The following RAP1B variants were observed in gnomAD, a reference collection of about 807,000 sequenced individuals.
RAP1B encodes the protein RAP1B, member of RAS oncogene family, also known as ras-related protein Rap-1b.
Under a neutral mutation model 27.5 loss-of-function variants are expected in RAP1B, and 1 was observed. The ratio of observed to expected loss-of-function variants is 0.04; its 90% CI spans 0.01 to 0.17. The LOEUF (loss-of-function observed/expected upper bound fraction) is 0.17. RAP1B is among the 10% of genes least tolerant of loss of function. The pLI is 1.00. For synonymous variants in RAP1B, 75 were observed against 73.1 expected (o/e 1.03, Z -0.13); for missense variants, 84 against 214.8 (o/e 0.39, Z 3.81).
intron 7 of RAP1B, 61 bp downstream of exon 7, chr12:68,657,278 C>A: frequency 9.4e-7 from 1 of 1,064,060 alleles, no homozygotes; most frequent in Non-Finnish European, 1.4e-6. Flanking sequence ...GGCACTCTGT[C>A]ATGAAAGCAA....
chr12:68,636,141 TC>T, intron 1 of RAP1B, among the ~76,000 whole-genome samples: 1 of 152,130 alleles, frequency 6.6e-6, no homozygotes, highest in Non-Finnish European at 1.5e-5. Flanking sequence ...CGCCTTGGCC[TC>T]CCAAAGTCCT....
intron 3 of RAP1B, 77 bp from the exon 4 acceptor site, chr12:68,651,918 C>T (rs1320650371): frequency 7.3e-6 from 8 of 1,089,440 alleles, no homozygotes; most frequent in Non-Finnish European, 1.1e-5. Flanking sequence ...ATTTTTGATA[C>T]ATTAGCTTTT....
chr12:68,625,306 G>T (rs2135925028), intron 1 of RAP1B, among the ~76,000 whole-genome samples: 1 of 152,292 alleles, frequency 6.6e-6, no homozygotes, highest in South Asian at 2.1e-4. Flanking sequence ...ACTCAAGAGG[G>T]TAGATTATAA....
rs951722171 is a variant in RAP1B at position 68,670,528 on chromosome 12, T to G, written c.*11279T>G. ...GTGTGTGTGTGTACACACAGATGCT[T>G]CTCAGCTTACAATGGGGTTATGTCC... is the stretch of plus-strand genomic sequence containing the variant. On this transcript the variant is annotated 3_prime_UTR_variant, in exon 8 of 8. Transcript: ENST00000250559. 3.3e-5 allele frequency: 5 copies of G among 152,142 alleles called. No individual in the cohort carries two copies. Among genetic ancestry groups the G allele is most frequent in the Non-Finnish European group, 7.4e-5 (5 of 68,018 alleles). The allele number at this position is 152,142 out of a possible 1,614,324, so 9.4% of individuals were successfully genotyped here. A position where few individuals can be genotyped will look rare whatever the true frequency, so the allele number is the denominator to read the frequency against.
At chr12:68,656,962 A>AT in intron 6 of RAP1B, 139 bp from the exon 7 acceptor site, 1 of 754,390 alleles carries the variant, frequency 1.3e-6, no homozygotes, top group Non-Finnish European at 2.2e-6. Flanking sequence ...ATAACACCTG[A>AT]TTTTATTCTC....
At chr12:68,644,738 G>A (rs1873275345) in intron 1 of RAP1B, among the ~76,000 whole-genome samples, 1 of 143,004 alleles carries the variant, frequency 7.0e-6, no homozygotes, top group South Asian at 2.3e-4. Flanking sequence ...GCCCAGGCTG[G>A]AGTGCAGTGG....
At chr12:68,618,028 G>C (rs562005434) in intron 1 of RAP1B, among the ~76,000 whole-genome samples, 6 of 147,728 alleles carry the variant, frequency 4.1e-5, no homozygotes, top group African/African-American at 1.5e-4. Context: ...CTCCCAAACT[G>C]CTAGGATTAC....
chr12:68,659,121 G>C (rs919423742), intron 7 of RAP1B, among the ~76,000 whole-genome samples, 159 bp from the exon 8 acceptor site: 1 of 152,192 alleles, frequency 6.6e-6, no homozygotes, highest in Non-Finnish European at 1.5e-5. Flanking sequence ...GAAAAGGTCT[G>C]CCGTGAATTG....
chr12:68,634,413 G>T (rs1193228331), intron 1 of RAP1B, among the ~76,000 whole-genome samples: 2 of 152,104 alleles, frequency 1.3e-5, no homozygotes, highest in Non-Finnish European at 2.9e-5. Context: ...AGCCTATACT[G>T]AGTCAGTATG....
At position 68,662,414 on chromosome 12, in the gene RAP1B, G is replaced by A. The variant is rs1233055031; in HGVS notation, c.*3165G>A. 4 of 151,612 alleles carry A rather than the reference G, an allele frequency of 2.6e-5. No individual in the cohort carries two copies. The highest frequency in any genetic ancestry group is 1.9e-4 in the East Asian group (1 of 5,182). The allele number at this position is 151,612 out of a possible 1,614,324, so 9.4% of individuals were successfully genotyped here. ...TTGTTGATTCAGTTGTTTCTTAAAC[G>A]TAAATAGCTCATCTTTACCATATGT... On this transcript the variant is annotated 3_prime_UTR_variant, in exon 8 of 8. Coordinates refer to ENST00000250559, the MANE Select transcript of RAP1B (RefSeq NM_001010942.3).
intron 1 of RAP1B, among the ~76,000 whole-genome samples, chr12:68,616,392 C>A (rs1182431851): frequency 6.6e-6 from 1 of 151,206 alleles, no homozygotes; most frequent in Non-Finnish European, 1.5e-5. Context: ...TCAAGCAGTC[C>A]TCCAGTCTAA....
At chr12:68,636,024 G>A (rs1237303028) in intron 1 of RAP1B, among the ~76,000 whole-genome samples, 1 of 151,316 alleles carries the variant, frequency 6.6e-6, no homozygotes, top group African/African-American at 2.4e-5. Context: ...GACTACAAGC[G>A]CCCGCCACCA....
intron 1 of RAP1B, among the ~76,000 whole-genome samples, chr12:68,630,511 C>A (rs1293930735): frequency 6.6e-6 from 1 of 152,104 alleles, no homozygotes; most frequent in African/African-American, 2.4e-5. Flanking sequence ...GGTTTTGATT[C>A]ATTCAACAAA....
At chr12:68,643,125 CTCT>C (rs1006017747) in intron 1 of RAP1B, 36 of 583,518 alleles carry the variant, frequency 6.2e-5, no homozygotes, top group African/African-American at 5.4e-4. Context: ...CTTCCAAAAT[CTCT>C]TCACTTTAAA....
chr12:68,651,924 CT>C (rs1873840960), intron 3 of RAP1B, 70 bp from the exon 4 acceptor site: 2 of 1,188,636 alleles, frequency 1.7e-6, no homozygotes, highest in African/African-American at 1.5e-5. Flanking sequence ...GATACATTAG[CT>C]TTTTTGTGTA....
chr12:68,621,950 TG>T (rs1439736462), intron 1 of RAP1B, among the ~76,000 whole-genome samples: 3 of 152,226 alleles, frequency 2.0e-5, no homozygotes, highest in East Asian at 1.9e-4. Context: ...TGTCCTCATA[TG>T]TTTTTTTAGC....
At chr12:68,646,000 T>C (rs1433732275) in intron 1 of RAP1B, among the ~76,000 whole-genome samples, 2 of 152,186 alleles carry the variant, frequency 1.3e-5, no homozygotes, top group Non-Finnish European at 2.9e-5. Flanking sequence ...TACAATAATA[T>C]GGATGAACCT....
chr12:68,657,382 A>G (rs1026906563), intron 7 of RAP1B, 165 bp downstream of exon 7: 9 of 480,496 alleles, frequency 1.9e-5, no homozygotes, highest in Admixed American at 4.1e-5. Context: ...TTATTTACTT[A>G]TCATCATGAG....
chr12:68,633,127 C>A (rs1394092077), intron 1 of RAP1B, among the ~76,000 whole-genome samples: 5 of 152,140 alleles, frequency 3.3e-5, no homozygotes, highest in Admixed American at 3.3e-4. Flanking sequence ...GGAAAAACAT[C>A]ATCAGAGTTC....
Sources: allele counts gnomAD v4.1 joint callset (sites outside exome capture counted in the v4.1 genomes callset), GRCh38; gene constraint gnomAD v4.1.1; transcripts MANE v1.5; gene names NCBI Gene and HGNC (gene_info 2026-07-23, HGNC 2026-07-21).